MLLT3: variants seen among roughly 807,000 people sequenced by gnomAD.
MLLT3 encodes the protein MLLT3 super elongation complex subunit.
In MLLT3, 4 loss-of-function variants were observed where a neutral mutation model predicts 53.2. The observed-to-expected ratio is 0.08, with a 90% CI of 0.04 to 0.17. The LOEUF (loss-of-function observed/expected upper bound fraction) is 0.17, where lower values mean the gene tolerates loss of function less well. Ranked by LOEUF, MLLT3 falls within the 10% of genes least tolerant of loss-of-function variation. The pLI, the probability that MLLT3 is intolerant of heterozygous loss-of-function variation, is 1.00. For synonymous variants in MLLT3, 283 were observed against 230.6 expected (o/e 1.23, Z -2.06); for missense variants, 569 against 684.0 (o/e 0.83, Z 1.87).
At chr9:20,562,751 G>C (rs888509069) in intron 2 of MLLT3, among the ~76,000 whole-genome samples, 2 of 152,114 alleles carry the variant, frequency 1.3e-5, no homozygotes, top group Non-Finnish European at 2.9e-5. Flanking sequence ...TTAAGAATAA[G>C]AGGCTCAGTA....
chr9:20,493,391 T>G (rs1355444327), intron 2 of MLLT3, among the ~76,000 whole-genome samples: 1 of 152,010 alleles, frequency 6.6e-6, no homozygotes, highest in Non-Finnish European at 1.5e-5. Context: ...TTTAACACCC[T>G]GAAATAACAT....
rs1033696746 is a variant in MLLT3, at chr9:20,388,569, C to CAT, written c.1126-22826_1126-22825insAT. ...TGCCACTGCACTATGGCCTGGGTGACAGAGTGAGACTCGGTCTCAAAAAAA... is the reference window on the plus strand; with the variant it reads ...TGCCACTGCACTATGGCCTGGGTGACATAGAGTGAGACTCGGTCTCAAAAAAA... On this transcript the variant is annotated intron_variant, in intron 5 of 10. Coordinates refer to ENST00000380338, the MANE Select transcript of MLLT3 (RefSeq NM_004529.4). Among the ~76,000 whole-genome samples, 18 of 152,098 alleles carry CAT rather than the reference C, an allele frequency of 1.2e-4. No homozygotes were observed. In the South Asian group the frequency reaches 2.5e-3, roughly 21 times the overall value.
At chr9:20,367,836 T>A (rs1821497874) in intron 5 of MLLT3, among the ~76,000 whole-genome samples, 1 of 152,204 alleles carries the variant, frequency 6.6e-6, no homozygotes, top group African/African-American at 2.4e-5. Context: ...CAGTTTATAT[T>A]TGTTTCTCAC....
chr9:20,392,289 T>C (rs576245092), intron 5 of MLLT3, among the ~76,000 whole-genome samples: 234 of 152,344 alleles, frequency 1.5e-3, no homozygotes, highest in Non-Finnish European at 2.9e-3. Context: ...CTCTGAACTA[T>C]ATTTCTATTT....
chr9:20,460,623 A>G (rs1247294003), intron 2 of MLLT3, among the ~76,000 whole-genome samples: 1 of 152,198 alleles, frequency 6.6e-6, no homozygotes, highest in Admixed American at 6.5e-5. Context: ...GTCAGCAACC[A>G]CAATAATTAT....
intron 2 of MLLT3, among the ~76,000 whole-genome samples, chr9:20,594,131 G>C (rs914141365): frequency 6.6e-6 from 1 of 152,014 alleles, no homozygotes; most frequent in East Asian, 1.9e-4. Context: ...AGTAGAGACA[G>C]AGTTTCACCA....
rs185306616 is a variant in MLLT3 at position 20,492,346 on chromosome 9, T to G, written c.194-35560A>C. On this transcript the variant is annotated intron_variant, in intron 2 of 10. Transcript: ENST00000380338. ...AAACTGAATGGGCTAGAAAAAGAACTTACAGATAGTTTTGGTCATATCCTA... is the reference window on the plus strand; with the variant it reads ...AAACTGAATGGGCTAGAAAAAGAACGTACAGATAGTTTTGGTCATATCCTA... 1.1e-4 allele frequency among the ~76,000 whole-genome samples: 16 copies of G among 152,064 alleles called. No individual in the cohort carries two copies. The East Asian group carries it at 3.1e-3, about 29-fold the overall frequency.
In MLLT3 at chr9:20,365,660, T is replaced by C. The variant is rs895463528; in HGVS notation, c.1201+9A>G. 3.1e-6 allele frequency: 5 copies of C among 1,614,074 alleles called. No homozygotes were observed. The highest frequency in any genetic ancestry group is 2.7e-5 in the African/African-American group (2 of 74,938). Reference sequence around the variant, plus strand: ...AAAGCATCTCCTAGTTTGCATGAGATGTTGATACCTTGTTGCCTGGTCTGG... The same window carrying C: ...AAAGCATCTCCTAGTTTGCATGAGACGTTGATACCTTGTTGCCTGGTCTGG... On this transcript the variant is annotated intron_variant, in intron 6 of 10. Coordinates refer to ENST00000380338, the MANE Select transcript of MLLT3 (RefSeq NM_004529.4).
chr9:20,622,334 A>C lies in MLLT3; in HGVS notation c.-78T>G. 1 of 1,287,916 alleles carries C rather than the reference A, an allele frequency of 7.8e-7. No individual in the cohort carries two copies. Among genetic ancestry groups the C allele is most frequent in the Non-Finnish European group, 1.1e-6 (1 of 943,616 alleles). The allele number at this position is 1,287,916 out of a possible 1,614,324, so 79.8% of individuals were successfully genotyped here. On this transcript the variant is annotated 5_prime_UTR_variant, in exon 1 of 11. Transcript: ENST00000380338. The stretch of plus-strand genomic sequence containing the variant: ...CGCCCCCCCTCAGCTGTAATTCATG[A>C]AGAGGCTGCTATGAATGAGAGCGCG...
At chr9:20,521,649 A>G (rs941636872) in intron 2 of MLLT3, among the ~76,000 whole-genome samples, 1 of 151,156 alleles carries the variant, frequency 6.6e-6, no homozygotes, top group East Asian at 1.9e-4. Context: ...AATGTTGGAT[A>G]TAGATGCTCT....
intron 5 of MLLT3, among the ~76,000 whole-genome samples, chr9:20,392,023 C>T (rs752570762): frequency 6.6e-6 from 1 of 152,036 alleles, no homozygotes; most frequent in South Asian, 2.1e-4. Flanking sequence ...GTATCACTGG[C>T]GGCTTGCCAC....
At chr9:20,601,484 C>G (rs1753484663) in intron 2 of MLLT3, among the ~76,000 whole-genome samples, 1 of 152,136 alleles carries the variant, frequency 6.6e-6, no homozygotes, top group African/African-American at 2.4e-5. Context: ...ATAACAACAG[C>G]AATATGAAAC....
chr9:20,445,511 T>A (rs1012634982), intron 4 of MLLT3, among the ~76,000 whole-genome samples: 1 of 152,178 alleles, frequency 6.6e-6, no homozygotes, highest in Non-Finnish European at 1.5e-5. Flanking sequence ...TTTTCAAGAT[T>A]CTCTGGCAAA....
intron 4 of MLLT3, among the ~76,000 whole-genome samples, chr9:20,423,666 T>C (rs62552436): frequency 6.7e-6 from 1 of 149,962 alleles, no homozygotes; most frequent in Middle Eastern, 3.2e-3. Context: ...AAAAAAAAAT[T>C]AGCCAGGCGT....
chr9:20,542,135 T>C (rs372601991), intron 2 of MLLT3, among the ~76,000 whole-genome samples: 123 of 152,258 alleles, frequency 8.1e-4, no homozygotes, highest in African/African-American at 2.6e-3. Flanking sequence ...CCATGAGCTG[T>C]AGAATGGGTG....
At chr9:20,380,277 C>T (rs1821875538) in intron 5 of MLLT3, 1 of 152,058 alleles carries the variant, frequency 6.6e-6, no homozygotes, top group South Asian at 2.1e-4. Flanking sequence ...CTTCCTCTCT[C>T]TCTTCAATTT....
At chr9:20,447,135 G>C (rs546544780) in intron 4 of MLLT3, among the ~76,000 whole-genome samples, 3 of 152,048 alleles carry the variant, frequency 2.0e-5, no homozygotes, top group African/African-American at 7.2e-5. Context: ...GCTTTTCTTA[G>C]GTTCTCAAAG....
intron 5 of MLLT3, among the ~76,000 whole-genome samples, chr9:20,389,382 T>A (rs1186108546): frequency 2.0e-5 from 3 of 152,178 alleles, no homozygotes; most frequent in Non-Finnish European, 4.4e-5. Context: ...GATAAGAGAA[T>A]TGAGAGTTGA....
intron 6 of MLLT3, among the ~76,000 whole-genome samples, chr9:20,364,394 T>TATTTTCACTTTACTA (rs1821398656): frequency 6.6e-6 from 1 of 152,190 alleles, no homozygotes; most frequent in Admixed American, 6.5e-5. Context: ...TTCATCAGTG[T>TATTTTCACTTTACTA]GGCTTATTTT....
Sources: gnomAD v4.1 joint callset for allele counts (sites outside exome capture counted in the v4.1 genomes callset) on GRCh38, gnomAD v4.1.1 for gene constraint, MANE v1.5 for transcripts, NCBI Gene and HGNC (gene_info 2026-07-23, HGNC 2026-07-21) for gene names.